The following CSMD3 variants were observed in gnomAD, a reference collection of about 807,000 sequenced individuals.
CSMD3 encodes CUB and Sushi multiple domains 3.
Under a neutral mutation model 435.2 loss-of-function variants are expected in CSMD3, and 177 were observed. The observed-to-expected ratio is 0.41, with a 90% confidence interval of 0.36 to 0.46. CSMD3 has a LOEUF of 0.46. Among genes scored for constraint, CSMD3 ranks in the 20% least tolerant of loss-of-function variants. The pLI is 0.34. For missense variants in CSMD3, 4,265 were observed against 4,504.6 expected, an observed-to-expected ratio of 0.95 and a Z score of 1.52; for synonymous variants, 1,656 against 1,520.5, an observed-to-expected ratio of 1.09 and a Z score of -2.07.
rs74775693 is a variant in CSMD3 at position 113,005,370 on chromosome 8, T to C, written c.1030+13697A>G. On this transcript the variant is annotated intron_variant, in intron 6 of 70. Transcript: ENST00000297405. ...TACATGTTGACATATTCACAATATGTAAACTATGTAATTTAAATTAAGGCC... is the reference window on the plus strand; with the variant it reads ...TACATGTTGACATATTCACAATATGCAAACTATGTAATTTAAATTAAGGCC... Among the ~76,000 whole-genome samples, 526 of 152,148 alleles carry C rather than the reference T, an allele frequency of 3.5e-3. 17 individuals carry two copies. In the East Asian group the frequency reaches 0.07, roughly 20 times the overall value.
At chr8:112,599,179 A>AT (rs1832066324) in intron 22 of CSMD3, among the ~76,000 whole-genome samples, 2 of 147,492 alleles carry the variant, frequency 1.4e-5, no homozygotes, top group African/African-American at 2.5e-5. Flanking sequence ...AAAAGAAAAA[A>AT]AAAACAACCC....
At chr8:113,138,267 G>C (rs1419686544) in intron 4 of CSMD3, among the ~76,000 whole-genome samples, 3 of 151,284 alleles carry the variant, frequency 2.0e-5, no homozygotes, top group African/African-American at 7.3e-5. Context: ...GTGATGTATA[G>C]GCTATTTGAG....
intron 4 of CSMD3, among the ~76,000 whole-genome samples, chr8:113,108,418 C>T (rs1177268861): frequency 3.1e-5 from 4 of 129,312 alleles, no homozygotes; most frequent in South Asian, 5.2e-4. Flanking sequence ...GAGGACGAGA[C>T]GCCATCTCAA....
At chr8:113,357,409 A>G (rs952195254) in intron 1 of CSMD3, among the ~76,000 whole-genome samples, 1 of 152,242 alleles carries the variant, frequency 6.6e-6, no homozygotes, top group African/African-American at 2.4e-5. Flanking sequence ...CAGTATGGTA[A>G]CCACTAGCTA....
intron 31 of CSMD3, among the ~76,000 whole-genome samples, chr8:112,484,724 C>T (rs537488957): frequency 3.3e-5 from 5 of 152,040 alleles, no homozygotes; most frequent in South Asian, 2.1e-4. Flanking sequence ...TAATTCAAAA[C>T]GCAAAATCCA....
intron 63 of CSMD3, among the ~76,000 whole-genome samples, chr8:112,248,622 C>T (rs1399609390): frequency 6.6e-6 from 1 of 152,044 alleles, no homozygotes; most frequent in Non-Finnish European, 1.5e-5. Flanking sequence ...TCTGCCTTCC[C>T]CTTAATTCCT....
intron 27 of CSMD3, among the ~76,000 whole-genome samples, chr8:112,533,399 C>T (rs1040274253): frequency 2.6e-5 from 4 of 151,758 alleles, no homozygotes; most frequent in African/African-American, 9.7e-5. Flanking sequence ...TAAGGACATG[C>T]ATATACTGAA....
intron 69 of CSMD3, 40 bp from the exon 70 acceptor site, chr8:112,228,931 T>C (rs773645334): frequency 9.3e-7 from 1 of 1,079,264 alleles, no homozygotes; most frequent in Admixed American, 1.8e-5. Flanking sequence ...ACAACTCTTT[T>C]ATCATAATTA....
rs576609630 is a variant in CSMD3, at chr8:112,224,498, G to A, written c.*273C>T. 2 of 463,684 alleles carry A rather than the reference G, an allele frequency of 4.3e-6. No individual in the cohort carries two copies. The highest frequency in any genetic ancestry group is 8.7e-5 in the East Asian group (2 of 22,962). The allele number at this position is 463,684 out of a possible 1,614,324, so 28.7% of individuals were successfully genotyped here. ...ATGCTCCTCCAATATATGCAAATAA[G>A]TTTATATTTTAGAATAATCTCCTTT... is the stretch of plus-strand genomic sequence containing the variant. On this transcript the variant is annotated 3_prime_UTR_variant, in exon 71 of 71. Coordinates refer to ENST00000297405, the MANE Select transcript of CSMD3 (RefSeq NM_198123.2).
At chr8:112,257,875 A>T (rs1440445771) in intron 61 of CSMD3, among the ~76,000 whole-genome samples, 5 of 152,190 alleles carry the variant, frequency 3.3e-5, no homozygotes, top group Admixed American at 3.3e-4. Context: ...ACCTGACTTC[A>T]AACTATACTA....
At chr8:112,681,950 T>A (rs1169534171) in intron 16 of CSMD3, among the ~76,000 whole-genome samples, 1 of 152,036 alleles carries the variant, frequency 6.6e-6, no homozygotes, top group Non-Finnish European at 1.5e-5. Context: ...TATATTTAAT[T>A]GGAAAAATAA....
chr8:112,609,575 G>T (rs1440127311), intron 22 of CSMD3, among the ~76,000 whole-genome samples: 1 of 152,146 alleles, frequency 6.6e-6, no homozygotes, highest in Non-Finnish European at 1.5e-5. Flanking sequence ...GGGAATTTAA[G>T]TTGGCACAGC....
intron 13 of CSMD3, among the ~76,000 whole-genome samples, chr8:112,791,720 T>C (rs1202443814): frequency 6.6e-6 from 1 of 152,152 alleles, no homozygotes; most frequent in African/African-American, 2.4e-5. Context: ...ATATGGACAA[T>C]TGATTTCATT....
chr8:113,429,145 A>G (rs1249707286), intron 1 of CSMD3, among the ~76,000 whole-genome samples: 1 of 151,712 alleles, frequency 6.6e-6, no homozygotes, highest in African/African-American at 2.4e-5. Flanking sequence ...AAACATTTCA[A>G]CTATCACTAA....
chr8:112,614,316 G>A (rs145150660), intron 22 of CSMD3, among the ~76,000 whole-genome samples: 243 of 152,226 alleles, frequency 1.6e-3, no homozygotes, highest in African/African-American at 5.3e-3. Flanking sequence ...GAGCCTGAAT[G>A]AGCCTTTTAT....
Position 112,224,429 on chromosome 8 carries a change from G to T in CSMD3, c.*342C>A, listed in dbSNP as rs1290937379. On this transcript the variant is annotated 3_prime_UTR_variant, in exon 71 of 71. Coordinates refer to ENST00000297405, the MANE Select transcript of CSMD3 (RefSeq NM_198123.2). ...CCCTATATCTTTTTTTTTAAACCCA[G>T]TCCCTCTAATATAGTTTATAAAGCA... The T allele has an allele frequency of 1.6e-5, 5 of 309,220 alleles. No homozygotes were observed. Among genetic ancestry groups the T allele is most frequent in the Non-Finnish European group, 2.5e-5 (4 of 158,938 alleles). 19.2% of individuals were successfully genotyped at this position (309,220 alleles called of 1,614,324 possible). A position where few individuals can be genotyped will look rare whatever the true frequency, so the allele number is the denominator to read the frequency against.
rs115601966 is a variant in CSMD3 at position 112,698,866 on chromosome 8, C to A, written c.1973-8816G>T. 2.1e-3 allele frequency among the ~76,000 whole-genome samples: 317 copies of A among 152,210 alleles called. 1 individual carries two copies. The highest frequency in any genetic ancestry group is 7.3e-3 in the African/African-American group (305 of 41,558). ...TCTAGCTAAAGGATTGTAAATGCAC[C>A]AATCGGTGCTGTGTGTCTCGCTAAA... On this transcript the variant is annotated intron_variant, in intron 13 of 70. Transcript: ENST00000297405.
At position 113,248,879 on chromosome 8, in the gene CSMD3, C is replaced by T. The variant is rs191962100; in HGVS notation, c.514+29713G>A. On this transcript the variant is annotated intron_variant, in intron 3 of 70. Coordinates refer to ENST00000297405, the MANE Select transcript of CSMD3 (RefSeq NM_198123.2). ...ATTTTTTTTAATGTAACGGCGATTG[C>T]TGAAACTGTCAACTTTCCTGACAAT... Among the ~76,000 whole-genome samples, 6 of 151,866 alleles carry T rather than the reference C, an allele frequency of 4.0e-5. No homozygotes were observed. The East Asian group carries it at 1.2e-3, about 30-fold the overall frequency.
At position 112,314,706 on chromosome 8, in the gene CSMD3, G is replaced by T. The variant is rs567448942; in HGVS notation, c.7361-89C>A. 3.7e-5 allele frequency: 31 copies of T among 846,518 alleles called. No homozygotes were observed. In the Admixed American group the frequency reaches 5.4e-4, roughly 15 times the overall value. 52.4% of individuals were successfully genotyped at this position (846,518 alleles called of 1,614,324 possible). A position where few individuals can be genotyped will look rare whatever the true frequency, so the allele number is the denominator to read the frequency against. ...TAGATACTGAGTATTCTGCTTTCAT[G>T]TTCAATAGCTATAAGGATGATACGT... On this transcript the variant is annotated intron_variant, in intron 47 of 70. Transcript: ENST00000297405.
Sources: gnomAD v4.1 joint callset for allele counts (sites outside exome capture counted in the v4.1 genomes callset) on GRCh38, gnomAD v4.1.1 for gene constraint, MANE v1.5 for transcripts, NCBI Gene and HGNC (gene_info 2026-07-23, HGNC 2026-07-21) for gene names.